The following TMEM242 variants were observed in gnomAD, a reference collection of about 807,000 sequenced individuals.
The protein encoded by TMEM242 is transmembrane protein 242, also known as UPF0463 transmembrane protein C6orf35.
In TMEM242, 10 loss-of-function variants were observed where a neutral mutation model predicts 18.2. The observed-to-expected ratio is 0.55, with a 90% CI of 0.34 to 0.93. The LOEUF (loss-of-function observed/expected upper bound fraction) is 0.93, where lower values mean the gene tolerates loss of function less well. TMEM242 is among the 40% of genes least tolerant of loss of function. The pLI, the probability that TMEM242 is intolerant of heterozygous loss-of-function variation, is 0.02. For missense variants in TMEM242, 186 were observed against 175.5 expected (o/e 1.06, Z -0.34); for synonymous variants, 57 against 69.9 (o/e 0.81, Z 0.92).
chr6:157,313,374 G>GT (rs1562386211), intron 3 of TMEM242, among the ~76,000 whole-genome samples: 51 of 82,384 alleles, frequency 6.2e-4, no homozygotes, highest in Admixed American at 1.3e-3. Context: ...TCATCATAGT[G>GT]CCTCAGTGTA....
At chr6:157,313,391 C>A (rs1778268850) in intron 3 of TMEM242, among the ~76,000 whole-genome samples, 2 of 105,112 alleles carry the variant, frequency 1.9e-5, no homozygotes, top group African/African-American at 7.0e-5. Context: ...TGTACGCTCA[C>A]CGGGCCTTAT....
chr6:157,311,037 C>G (rs1554248577), intron 3 of TMEM242, among the ~76,000 whole-genome samples: 1 of 128,078 alleles, frequency 7.8e-6, no homozygotes, highest in Non-Finnish European at 1.6e-5. Flanking sequence ...TCATAGTGTC[C>G]CAGTGTGCGC....
At chr6:157,310,950 G>A (rs1554248518) in intron 3 of TMEM242, among the ~76,000 whole-genome samples, 21 of 151,700 alleles carry the variant, frequency 1.4e-4, no homozygotes, top group African/African-American at 3.6e-4. Context: ...GTGCCCCAGT[G>A]TGCACTCACC....
Position 157,299,685 on chromosome 6 carries a change from A to C in TMEM242, c.328-6686T>G, listed in dbSNP as rs879999244. On this transcript the variant is annotated intron_variant, in intron 3 of 3. Coordinates refer to ENST00000400788, the MANE Select transcript of TMEM242 (RefSeq NM_018452.6). The stretch of plus-strand genomic sequence containing the variant: ...AAGATGGCCACATTTCGCTGGACTA[A>C]ATTAAGGCGCGTTTCTCCCTTTTCT... 43 of 1,610,834 alleles carry C rather than the reference A, an allele frequency of 2.7e-5. No individual in the cohort carries two copies. The Admixed American group carries it at 3.7e-4, about 14-fold the overall frequency.
intron 3 of TMEM242, chr6:157,299,938 G>A (rs1777804321): frequency 5.6e-6 from 9 of 1,603,498 alleles, no homozygotes; most frequent in Non-Finnish European, 7.7e-6. Context: ...TTCCTATGAT[G>A]GAGACCTTAC....
rs1310545964 is a variant in TMEM242 at position 157,292,132 on chromosome 6, C to G, written c.*769G>C. The stretch of plus-strand genomic sequence containing the variant: ...ATATTGAAGACGGATGACAACTGGG[C>G]TTTTTTTACTTTGACAACTGAGACA... On this transcript the variant is annotated 3_prime_UTR_variant, in exon 4 of 4. Coordinates refer to ENST00000400788, the MANE Select transcript of TMEM242 (RefSeq NM_018452.6). 6.6e-6 allele frequency: 1 copy of G among 152,088 alleles called. No individual in the cohort carries two copies. The highest frequency in any genetic ancestry group is 2.4e-5 in the African/African-American group (1 of 41,422). 9.4% of individuals were successfully genotyped at this position (152,088 alleles called of 1,614,324 possible). A position where few individuals can be genotyped will look rare whatever the true frequency, so the allele number is the denominator to read the frequency against.
intron 3 of TMEM242, among the ~76,000 whole-genome samples, chr6:157,313,269 A>C (rs1778255899): frequency 6.7e-6 from 1 of 150,226 alleles, no homozygotes; most frequent in Non-Finnish European, 1.5e-5. Context: ...GCCTCATCAT[A>C]GTGTCCCAGT....
At chr6:157,294,439 C>T (rs1179250416) in intron 3 of TMEM242, among the ~76,000 whole-genome samples, 6 of 149,368 alleles carry the variant, frequency 4.0e-5, no homozygotes, top group African/African-American at 1.5e-4. Flanking sequence ...CAAGCTCCGC[C>T]TCCCGGGTTC....
intron 3 of TMEM242, among the ~76,000 whole-genome samples, chr6:157,313,437 T>G (rs9393151): frequency 2.2e-4 from 4 of 18,468 alleles, no homozygotes; most frequent in East Asian, 0.029. Flanking sequence ...GGCCTCATCA[T>G]AGTGCCCCAG....
chr6:157,299,468 T>A, intron 3 of TMEM242: 1 of 1,395,144 alleles, frequency 7.2e-7, no homozygotes, highest in South Asian at 1.2e-5. Flanking sequence ...GTTTTCAGAG[T>A]GGATACCAAG....
intron 3 of TMEM242, 27 bp from the exon 4 acceptor site, chr6:157,293,026 C>G (rs1554246938): frequency 6.4e-7 from 1 of 1,569,360 alleles, no homozygotes; most frequent in African/African-American, 1.4e-5. Context: ...AATCAGTTAT[C>G]AAATGTTAAA....
chr6:157,312,931 T>TA, intron 3 of TMEM242, among the ~76,000 whole-genome samples: 1 of 152,154 alleles, frequency 6.6e-6, no homozygotes, highest in East Asian at 1.9e-4. Context: ...ATCATCATAG[T>TA]GCCCCAGTGT....
At chr6:157,313,158 C>T (rs1554249640) in intron 3 of TMEM242, among the ~76,000 whole-genome samples, 1 of 149,628 alleles carries the variant, frequency 6.7e-6, no homozygotes, top group African/African-American at 2.5e-5. Context: ...GCTCACCTGG[C>T]CTCATCATAG....
rs782731205 is a variant in TMEM242, at chr6:157,318,803, C to A, written c.306G>T (p.Trp102Cys). 1.1e-5 allele frequency: 17 copies of A among 1,613,934 alleles called. No individual in the cohort carries two copies. The highest frequency in any genetic ancestry group is 1.6e-4 in the Middle Eastern group (1 of 6,084). Residue 102 changes from tryptophan to cysteine, a missense_variant, in exon 3 of 4, where the codon TGG (tryptophan) becomes TGT (cysteine). Transcript: ENST00000400788. ...CGVGVISFAV[W>C]KALGVHSMND... ...TTACACTGTGAACTCCTAAAGCTTT[C>A]CAGACTGCGAAGCTAATCACACCAA...
intron 3 of TMEM242, among the ~76,000 whole-genome samples, chr6:157,309,041 TATACA>T: frequency 6.6e-6 from 1 of 152,328 alleles, no homozygotes; most frequent in South Asian, 2.1e-4. Flanking sequence ...TAGATTATAA[TATACA>T]ATAGGGTTCC....
chr6:157,299,175 A>C lies in TMEM242; in HGVS notation c.328-6176T>G, dbSNP rs188693474. ...GAATACTTCTTCATCTATTCCACAG[A>C]GACCCCTAATGATGGTGGAAACTGG... On this transcript the variant is annotated intron_variant, in intron 3 of 3. Coordinates refer to ENST00000400788, the MANE Select transcript of TMEM242 (RefSeq NM_018452.6). 1.7e-4 allele frequency: 92 copies of C among 540,796 alleles called. No individual in the cohort carries two copies. In the African/African-American group the frequency reaches 2.4e-3, roughly 14 times the overall value. 33.5% of individuals were successfully genotyped at this position (540,796 alleles called of 1,614,324 possible).
In TMEM242 at chr6:157,289,127, T is replaced by C. The variant is rs587627713; in HGVS notation, c.*3774A>G. ...AACAAAGGCCTCGAGCCAGCTTCTC[T>C]AAGAAATATAAATCAAGGTCCTAAA... On this transcript the variant is annotated 3_prime_UTR_variant, in exon 4 of 4. Transcript: ENST00000400788. 6.6e-6 allele frequency among the ~76,000 whole-genome samples: 1 copy of C among 152,078 alleles called. No homozygotes were observed. Among genetic ancestry groups the C allele is most frequent in the South Asian group, 2.1e-4 (1 of 4,820 alleles).
chr6:157,310,326 T>A (rs587605576), intron 3 of TMEM242, among the ~76,000 whole-genome samples: 137 of 150,530 alleles, frequency 9.1e-4, no homozygotes, highest in Non-Finnish European at 1.5e-3. Flanking sequence ...TTCTCCAAAC[T>A]TAAACTATCT....
chr6:157,307,538 G>A (rs1777931795), intron 3 of TMEM242, among the ~76,000 whole-genome samples: 1 of 152,154 alleles, frequency 6.6e-6, no homozygotes. Context: ...AACTGAGCAA[G>A]TCCCTGTGAT....
Sources: gnomAD v4.1 joint callset for allele counts (sites outside exome capture counted in the v4.1 genomes callset) on GRCh38, gnomAD v4.1.1 for gene constraint, MANE v1.5 for transcripts, NCBI Gene and HGNC (gene_info 2026-07-23, HGNC 2026-07-21) for gene names.